The following DHX32 variants were observed in gnomAD, a reference collection of about 807,000 sequenced individuals.
DHX32 encodes putative pre-mRNA-splicing factor ATP-dependent RNA helicase DHX32.
A neutral mutation model predicts 70.0 loss-of-function variants in DHX32; 51 were observed. The ratio of observed to expected loss-of-function variants is 0.73; its 90% confidence interval spans 0.58 to 0.92. The LOEUF (loss-of-function observed/expected upper bound fraction) is 0.92, where lower values mean the gene tolerates loss of function less well. Ranked by LOEUF, DHX32 falls within the 40% of genes least tolerant of loss-of-function variation. DHX32 has a pLI of 0.00. For synonymous variants in DHX32, 310 were observed against 315.3 expected (o/e 0.98, Z 0.18); for missense variants, 762 against 891.8 (o/e 0.85, Z 1.85).
rs1944224763 is a variant in DHX32, at chr10:125,867,069, C to T, written c.397G>A (p.Glu133Lys). ...VVQLALRVAD[E>K]MDVNIGHEVG... Reference sequence around the variant, plus strand: ...TCATGACCAATGTTAACATCCATTTCATCCGCCACCCGCAGGGCGAGCTGG... The same window carrying T: ...TCATGACCAATGTTAACATCCATTTTATCCGCCACCCGCAGGGCGAGCTGG... The change falls in exon 2 of 11, where the codon GAA becomes AAA. Residue 133 changes from glutamate to lysine, a missense_variant. Glu to Lys is a moderately conservative substitution (Grantham distance 56, BLOSUM62 1). Coordinates refer to ENST00000284690, the MANE Select transcript of DHX32 (RefSeq NM_018180.3). The T allele has an allele frequency of 6.2e-7, 1 of 1,614,246 alleles. No individual in the cohort carries two copies. Among genetic ancestry groups the T allele is most frequent in the East Asian group, 2.2e-5 (1 of 44,888 alleles).
Position 125,843,528 on chromosome 10 carries a change from C to T in DHX32, c.1352-1594G>A, listed in dbSNP as rs1025662809. ...TCGGGAGGTTGAGGCAGGAGAATGGCGTGAACCCAGGAAGTGGAGCTTGTA... is the reference window on the plus strand; with the variant it reads ...TCGGGAGGTTGAGGCAGGAGAATGGTGTGAACCCAGGAAGTGGAGCTTGTA... On this transcript the variant is annotated intron_variant, in intron 6 of 10. Coordinates refer to ENST00000284690, the MANE Select transcript of DHX32 (RefSeq NM_018180.3). Among the ~76,000 whole-genome samples, 4 of 152,038 alleles carry T rather than the reference C, an allele frequency of 2.6e-5. No homozygotes were observed. In the East Asian group the frequency reaches 5.8e-4, roughly 22 times the overall value.
At position 125,860,105 on chromosome 10, in the gene DHX32, AAT is replaced by A. The variant is rs542842598; in HGVS notation, c.477-132_477-131del. On this transcript the variant is annotated intron_variant, in intron 2 of 10. Transcript: ENST00000284690. ...AACTCTAAATTTTTACTGGGGCCAA[AAT>A]TCCTTTAAGTTGATACAATCTACAG... The A allele has an allele frequency of 2.5e-3, 1,941 of 787,582 alleles. 1 individual carries two copies. The highest frequency in any genetic ancestry group is 3.2e-3 in the Non-Finnish European group (1,639 of 515,442). The allele number at this position is 787,582 out of a possible 1,614,324, so 48.8% of individuals were successfully genotyped here.
intron 1 of DHX32, among the ~76,000 whole-genome samples, chr10:125,869,777 T>C (rs1411717644): frequency 6.6e-6 from 1 of 152,122 alleles, no homozygotes; most frequent in African/African-American, 2.4e-5. Context: ...ATCCTTAAGC[T>C]ACACGTGTGG....
chr10:125,836,390 G>T lies in DHX32; in HGVS notation c.*297C>A. On this transcript the variant is annotated 3_prime_UTR_variant, in exon 11 of 11. Transcript: ENST00000284690. Reference sequence around the variant, plus strand: ...ATTAAGTTCCTCTACAAAAAGTAGGGTTCTGTCCCATGTGTCTCTGACACA... The same window carrying T: ...ATTAAGTTCCTCTACAAAAAGTAGGTTTCTGTCCCATGTGTCTCTGACACA... 6.5e-7 allele frequency: 1 copy of T among 1,538,998 alleles called. No homozygotes were observed. Among genetic ancestry groups the T allele is most frequent in the Middle Eastern group, 2.2e-4 (1 of 4,504 alleles).
At chr10:125,862,167 CTG>C (rs1318803386) in intron 2 of DHX32, among the ~76,000 whole-genome samples, 7 of 152,196 alleles carry the variant, frequency 4.6e-5, no homozygotes, top group African/African-American at 9.6e-5. Flanking sequence ...GTTGTTCTAT[CTG>C]TTGTCACTGT....
Position 125,860,750 on chromosome 10 carries a change from C to A in DHX32, c.477-775G>T, listed in dbSNP as rs1002133277. On this transcript the variant is annotated intron_variant, in intron 2 of 10. Transcript: ENST00000284690. ...GTATTACTGCTTGAAGAAACCAATCCCATTTTTTTTTTTTTTTTTTTTTGA... is the reference window on the plus strand; with the variant it reads ...GTATTACTGCTTGAAGAAACCAATCACATTTTTTTTTTTTTTTTTTTTTGA... Among the ~76,000 whole-genome samples the A allele has an allele frequency of 4.1e-5, 5 of 123,102 alleles. No homozygotes were observed. The East Asian group carries it at 9.3e-4, about 23-fold the overall frequency. The allele number at this position is 123,102 out of a possible 152,430, so 80.8% of individuals were successfully genotyped here.
chr10:125,881,995 CA>C (rs1454196556), upstream of DHX32, among the ~76,000 whole-genome samples: 1 of 152,160 alleles, frequency 6.6e-6, no homozygotes, highest in Non-Finnish European at 1.5e-5. Context: ...AAATCTCTAG[CA>C]TATTTCTTGA....
chr10:125,889,033 T>C (rs1310638591), intron 1 of DHX32, among the ~76,000 whole-genome samples: 2 of 152,344 alleles, frequency 1.3e-5, no homozygotes, highest in Middle Eastern at 3.4e-3. Flanking sequence ...CACTCCAACC[T>C]GGGCATCAGA....
intron 1 of DHX32, among the ~76,000 whole-genome samples, chr10:125,894,743 T>C (rs553293885): frequency 1.9e-4 from 29 of 152,396 alleles, no homozygotes; most frequent in Admixed American, 1.9e-3. Flanking sequence ...ACCTTTTCTT[T>C]TGTCAATAAA....
chr10:125,889,064 A>T (rs1316064971), intron 1 of DHX32, among the ~76,000 whole-genome samples: 2 of 152,232 alleles, frequency 1.3e-5, no homozygotes, highest in African/African-American at 4.8e-5. Flanking sequence ...GTTTCCAAAA[A>T]AATAATTAAT....
At chr10:125,841,041 TTTATC>T in intron 7 of DHX32, 45 bp from the exon 8 acceptor site, 1 of 1,571,906 alleles carries the variant, frequency 6.4e-7, no homozygotes, top group Non-Finnish European at 8.7e-7. Context: ...ATGAAGACAT[TTTATC>T]TTAGCCTAAC....
At chr10:125,881,849 C>T (rs1420914178), upstream of DHX32, among the ~76,000 whole-genome samples, 2 of 152,132 alleles carry the variant, frequency 1.3e-5, no homozygotes, top group Non-Finnish European at 2.9e-5. Flanking sequence ...TGCCTTGTTG[C>T]CCAGGCTAGT....
At chr10:125,871,404 G>A (rs1019128160) in intron 1 of DHX32, among the ~76,000 whole-genome samples, 6 of 152,150 alleles carry the variant, frequency 3.9e-5, no homozygotes, top group Admixed American at 1.3e-4. Flanking sequence ...GTTTGCTTAC[G>A]TGCCCAAGTT....
chr10:125,849,031 C>T (rs1944058338), intron 6 of DHX32, among the ~76,000 whole-genome samples: 1 of 152,214 alleles, frequency 6.6e-6, no homozygotes, highest in African/African-American at 2.4e-5. Flanking sequence ...TGGGGACCAT[C>T]TACCCCAGTT....
intron 3 of DHX32, among the ~76,000 whole-genome samples, chr10:125,857,881 T>TG (rs1265426966): frequency 1.3e-5 from 2 of 149,650 alleles, no homozygotes; most frequent in African/African-American, 2.5e-5. Flanking sequence ...ATATCCTGGT[T>TG]TTTTTTTTTT....
At position 125,836,539 on chromosome 10, in the gene DHX32, T is replaced by C. The variant is rs1854691177; in HGVS notation, c.*148A>G. On this transcript the variant is annotated 3_prime_UTR_variant, in exon 11 of 11. Transcript: ENST00000284690. ...GAACTCAATAAAAACTTCTATTTTT[T>C]ATTTTAAAATAATATACACAGTGTT... 1.5e-6 allele frequency: 2 copies of C among 1,332,962 alleles called. No individual in the cohort carries two copies. The highest frequency in any genetic ancestry group is 3.0e-5 in the African/African-American group (2 of 67,556). 82.6% of individuals were successfully genotyped at this position (1,332,962 alleles called of 1,614,324 possible).
At chr10:125,871,866 T>C (rs1944257775) in intron 1 of DHX32, among the ~76,000 whole-genome samples, 1 of 148,482 alleles carries the variant, frequency 6.7e-6, no homozygotes, top group Admixed American at 6.8e-5. Context: ...TCTTTTCTTT[T>C]TTTTTTTTTT....
Position 125,841,765 on chromosome 10 carries a change from T to C in DHX32, c.1521A>G (p.Leu507=). The change falls in exon 7 of 11, where the codon CTA becomes CTG. Residue 507 remains leucine, a synonymous_variant. Transcript: ENST00000284690. ...TACCTGTTACCATGGCTGCGATTGT[T>C]AGCACTTCATCTACACAGTCAAATT... ...SCEFDCVDEV[L]TIAAMVTAPN... is the part of the protein sequence containing the mutation. The C allele has an allele frequency of 1.2e-6, 2 of 1,610,488 alleles. No homozygotes were observed. Among genetic ancestry groups the C allele is most frequent in the East Asian group, 2.2e-5 (1 of 44,808 alleles).
chr10:125,867,552 T>C (rs184322020), intron 1 of DHX32, among the ~76,000 whole-genome samples: 2,711 of 152,080 alleles, frequency 0.018, 70 homozygotes, highest in African/African-American at 0.055. Flanking sequence ...CTGGCTAACA[T>C]GGTGAAACCC....
Sources: gnomAD v4.1 joint callset for allele counts (sites outside exome capture counted in the v4.1 genomes callset) on GRCh38, gnomAD v4.1.1 for gene constraint, MANE v1.5 for transcripts, NCBI Gene and HGNC (gene_info 2026-07-23, HGNC 2026-07-21) for gene names.